Variants in SORCS1 observed in about 807,000 individuals in gnomAD.
The protein encoded by SORCS1 is sortilin related VPS10 domain containing receptor 1, also known as VPS10 domain-containing receptor SorCS1.
A neutral mutation model predicts 146.1 loss-of-function variants in SORCS1; 60 were observed. That is an observed-to-expected ratio of 0.41 (90% confidence interval 0.33 to 0.51). The LOEUF (loss-of-function observed/expected upper bound fraction) is 0.51, where lower values mean the gene tolerates loss of function less well. Among genes scored for constraint, SORCS1 ranks in the 20% least tolerant of loss-of-function variants. The pLI is 0.21. For missense variants in SORCS1, 1,352 were observed against 1,487.6 expected, an observed-to-expected ratio of 0.91 and a Z score of 1.50; for synonymous variants, 637 against 584.0, an observed-to-expected ratio of 1.09 and a Z score of -1.31.
intron 1 of SORCS1, among the ~76,000 whole-genome samples, chr10:107,107,724 G>A (rs995707726): frequency 2.0e-5 from 3 of 152,218 alleles, no homozygotes; most frequent in African/African-American, 7.2e-5. Flanking sequence ...GGGCCATTTT[G>A]AGAGGGCCAA....
chr10:106,772,047 A>T (rs1860059546), intron 4 of SORCS1, among the ~76,000 whole-genome samples: 1 of 152,192 alleles, frequency 6.6e-6, no homozygotes, highest in Admixed American at 6.5e-5. Context: ...GAGATGCCCA[A>T]AGAGCTGATA....
upstream of SORCS1, among the ~76,000 whole-genome samples, chr10:107,169,448 C>T (rs1366067935): frequency 6.6e-6 from 1 of 152,150 alleles, no homozygotes; most frequent in African/African-American, 2.4e-5. Context: ...TACCCGTTCT[C>T]ATACACCCAA....
chr10:106,828,563 A>C (rs888855484), intron 3 of SORCS1, among the ~76,000 whole-genome samples: 4 of 152,216 alleles, frequency 2.6e-5, no homozygotes, highest in African/African-American at 7.2e-5. Flanking sequence ...TGAGATGAGA[A>C]CATAGACATC....
At chr10:106,741,700 C>T (rs978278814) in intron 5 of SORCS1, among the ~76,000 whole-genome samples, 1 of 152,100 alleles carries the variant, frequency 6.6e-6, no homozygotes, top group African/African-American at 2.4e-5. Context: ...AGTGTATTGG[C>T]ATACATGAGC....
intron 2 of SORCS1, among the ~76,000 whole-genome samples, chr10:106,831,765 C>T (rs1948555450): frequency 2.0e-5 from 3 of 152,028 alleles, no homozygotes; most frequent in Admixed American, 2.0e-4. Flanking sequence ...AGAAAACGGT[C>T]AACACTTCAG....
At chr10:107,135,509 T>A (rs1347563616) in intron 1 of SORCS1, among the ~76,000 whole-genome samples, 1 of 152,214 alleles carries the variant, frequency 6.6e-6, no homozygotes, top group Non-Finnish European at 1.5e-5. Context: ...AAACACAAGT[T>A]GCTGGAAAAA....
At chr10:106,940,474 T>C (rs1953982181) in intron 2 of SORCS1, among the ~76,000 whole-genome samples, 1 of 152,222 alleles carries the variant, frequency 6.6e-6, no homozygotes, top group Admixed American at 6.5e-5. Context: ...GAATAGAAAG[T>C]GCTTACAATT....
intron 1 of SORCS1, among the ~76,000 whole-genome samples, chr10:107,001,976 T>G (rs979709562): frequency 1.3e-5 from 2 of 152,206 alleles, no homozygotes; most frequent in Non-Finnish European, 2.9e-5. Context: ...CTTTGGGTTC[T>G]TACAGTAGTA....
intron 17 of SORCS1, among the ~76,000 whole-genome samples, chr10:106,658,652 C>T (rs551505376): frequency 4.6e-5 from 7 of 152,270 alleles, no homozygotes; most frequent in African/African-American, 1.7e-4. Flanking sequence ...GTGGCTAAGA[C>T]TTAAAATCTT....
At chr10:106,600,540 C>A in intron 23 of SORCS1, 1 of 985,278 alleles carries the variant, frequency 1.0e-6, no homozygotes, top group Non-Finnish European at 1.2e-6. Flanking sequence ...GTTTTCCACA[C>A]CACTTGTAGA....
At chr10:106,828,515 C>T (rs1948396525) in intron 3 of SORCS1, among the ~76,000 whole-genome samples, 1 of 152,132 alleles carries the variant, frequency 6.6e-6, no homozygotes, top group African/African-American at 2.4e-5. Flanking sequence ...AAAATGCAGA[C>T]CCTACCCAAG....
In SORCS1 at chr10:106,627,557, T is replaced by C. The variant is rs572797506; in HGVS notation, c.2662+1645A>G. Among the ~76,000 whole-genome samples the C allele has an allele frequency of 1.1e-3, 165 of 152,330 alleles. 1 individual carries two copies. Among genetic ancestry groups the C allele is most frequent in the African/African-American group, 3.8e-3 (159 of 41,560 alleles). On this transcript the variant is annotated intron_variant, in intron 19 of 25. Transcript: ENST00000263054. Reference sequence around the variant, plus strand: ...AGTATGATCATTTCTATGATACCATTGCTATCATTTCCCTACATACTAACA... The same window carrying C: ...AGTATGATCATTTCTATGATACCATCGCTATCATTTCCCTACATACTAACA...
intron 4 of SORCS1, among the ~76,000 whole-genome samples, chr10:106,770,480 C>CAAAAAA (rs61310332): frequency 7.9e-6 from 1 of 126,206 alleles, no homozygotes. Flanking sequence ...CAAAAAATCG[C>CAAAAAA]AAAAAAAAAA....
At chr10:107,168,624 GC>G (rs1216821997), upstream of SORCS1, among the ~76,000 whole-genome samples, 2 of 149,084 alleles carry the variant, frequency 1.3e-5, no homozygotes, top group Admixed American at 6.7e-5. Context: ...TATACTCTAT[GC>G]CAGAAACTAT....
At chr10:106,623,131 T>G (rs1454778312) in intron 19 of SORCS1, among the ~76,000 whole-genome samples, 1 of 152,156 alleles carries the variant, frequency 6.6e-6, no homozygotes, top group Non-Finnish European at 1.5e-5. Flanking sequence ...ACATTCTTCC[T>G]GAGTCCCTCA....
intron 1 of SORCS1, among the ~76,000 whole-genome samples, chr10:107,118,038 G>C (rs994148421): frequency 2.6e-5 from 4 of 152,124 alleles, no homozygotes; most frequent in African/African-American, 4.8e-5. Flanking sequence ...GAATGTTTAT[G>C]TCTCCCCAAA....
chr10:107,038,197 G>A (rs1958988581), intron 1 of SORCS1, among the ~76,000 whole-genome samples: 1 of 152,152 alleles, frequency 6.6e-6, no homozygotes, highest in Non-Finnish European at 1.5e-5. Flanking sequence ...GAGGAAAAAC[G>A]GAGATTCATC....
intron 1 of SORCS1, among the ~76,000 whole-genome samples, chr10:107,076,268 T>C (rs1179771208): frequency 1.3e-5 from 2 of 152,134 alleles, no homozygotes; most frequent in African/African-American, 4.8e-5. Flanking sequence ...TTCTTGGTGA[T>C]TCATAGAGCA....
chr10:106,950,484 A>G (rs1954621978), intron 2 of SORCS1, among the ~76,000 whole-genome samples: 1 of 152,208 alleles, frequency 6.6e-6, no homozygotes, highest in Admixed American at 6.5e-5. Flanking sequence ...TTGTTGGACA[A>G]GAAGCCATTT....
Sources: gnomAD v4.1 joint callset for allele counts (sites outside exome capture counted in the v4.1 genomes callset) on GRCh38, gnomAD v4.1.1 for gene constraint, MANE v1.5 for transcripts, NCBI Gene and HGNC (gene_info 2026-07-23, HGNC 2026-07-21) for gene names.